LINGO2: variants seen among roughly 807,000 people sequenced by gnomAD.
LINGO2 encodes the protein leucine rich repeat and Ig domain containing 2, also known as leucine-rich repeat and immunoglobulin-like domain-containing nogo receptor-interacting protein 2.
A neutral mutation model predicts 30.6 loss-of-function variants in LINGO2; 14 were observed. The observed-to-expected ratio is 0.46, with a 90% CI of 0.30 to 0.72. LINGO2 has a LOEUF of 0.72. Ranked by LOEUF, LINGO2 falls within the 30% of genes least tolerant of loss-of-function variation. LINGO2 has a pLI of 0.07. For synonymous variants in LINGO2, 317 were observed against 288.5 expected (o/e 1.10, Z -1.00); for missense variants, 729 against 751.7 (o/e 0.97, Z 0.35).
the LINGO2 span, among the ~76,000 whole-genome samples, chr9:28,706,427 A>G: frequency 6.6e-6 from 1 of 152,178 alleles, no homozygotes; most frequent in Non-Finnish European, 1.5e-5. Context: ...GGAATAGAAT[A>G]TTTTAAAAAA....
At chr9:28,202,562 C>A (rs1175778716) in intron 4 of LINGO2, among the ~76,000 whole-genome samples, 2 of 151,922 alleles carry the variant, frequency 1.3e-5, no homozygotes. Flanking sequence ...CTCACCCCGT[C>A]CCCCCCGCCA....
chr9:28,427,843 A>G (rs556968390), intron 2 of LINGO2, among the ~76,000 whole-genome samples: 1 of 152,222 alleles, frequency 6.6e-6, no homozygotes, highest in South Asian at 2.1e-4. Context: ...GATGTAGGGG[A>G]AAGCTCCTAA....
At chr9:28,466,084 C>T (rs1208268611) in intron 2 of LINGO2, among the ~76,000 whole-genome samples, 1 of 151,942 alleles carries the variant, frequency 6.6e-6, no homozygotes, top group African/African-American at 2.4e-5. Flanking sequence ...AACAGAGCTA[C>T]CATATAATCC....
At chr9:28,343,495 T>C (rs941610014) in intron 3 of LINGO2, among the ~76,000 whole-genome samples, 1 of 152,182 alleles carries the variant, frequency 6.6e-6, no homozygotes, top group Non-Finnish European at 1.5e-5. Flanking sequence ...ACAAAGATTG[T>C]TCTGTATACA....
At chr9:27,967,478 G>A (rs917692111) in intron 5 of LINGO2, among the ~76,000 whole-genome samples, 6 of 152,120 alleles carry the variant, frequency 3.9e-5, no homozygotes, top group Non-Finnish European at 7.4e-5. Flanking sequence ...GTTTAGCTAC[G>A]TGGCTATGAA....
the LINGO2 span, among the ~76,000 whole-genome samples, chr9:29,174,334 T>A: frequency 6.6e-6 from 1 of 152,234 alleles, no homozygotes; most frequent in African/African-American, 2.4e-5. Context: ...CCAGCTGGCA[T>A]CCTTCATGTG....
At chr9:28,138,109 C>T (rs561532157) in intron 4 of LINGO2, among the ~76,000 whole-genome samples, 1 of 152,188 alleles carries the variant, frequency 6.6e-6, no homozygotes, top group Non-Finnish European at 1.5e-5. Context: ...TAAATTTGCT[C>T]AAGATCACCT....
the LINGO2 span, among the ~76,000 whole-genome samples, chr9:28,784,315 T>C: frequency 5.9e-5 from 9 of 152,284 alleles, no homozygotes; most frequent in South Asian, 1.9e-3. Flanking sequence ...GCATTTTTAA[T>C]TGAGAAGCAA....
the LINGO2 span, among the ~76,000 whole-genome samples, chr9:29,022,148 C>A: frequency 2.0e-5 from 3 of 152,030 alleles, no homozygotes; most frequent in African/African-American, 4.8e-5. Flanking sequence ...GTTTCTGAAA[C>A]CCTATCGATT....
At chr9:28,371,077 A>T (rs1820877019) in intron 3 of LINGO2, among the ~76,000 whole-genome samples, 1 of 152,120 alleles carries the variant, frequency 6.6e-6, no homozygotes, top group South Asian at 2.1e-4. Context: ...GGCAGGTTCA[A>T]ATTTGGGCCC....
chr9:28,145,454 C>T (rs1336100580), intron 4 of LINGO2, among the ~76,000 whole-genome samples: 1 of 152,056 alleles, frequency 6.6e-6, no homozygotes, highest in Non-Finnish European at 1.5e-5. Flanking sequence ...AAATTGTTTC[C>T]TCAAGACTAC....
chr9:28,924,013 C>A, the LINGO2 span, among the ~76,000 whole-genome samples: 1 of 152,162 alleles, frequency 6.6e-6, no homozygotes, highest in Non-Finnish European at 1.5e-5. Context: ...AAGCACATAA[C>A]AGCTAGATTT....
intron 1 of LINGO2, among the ~76,000 whole-genome samples, chr9:28,659,003 G>C (rs1434267491): frequency 6.6e-6 from 1 of 152,082 alleles, no homozygotes; most frequent in East Asian, 1.9e-4. Context: ...GCTGGCAAAA[G>C]AGGGTGAAAG....
chr9:28,244,070 T>C (rs562822333), intron 4 of LINGO2, among the ~76,000 whole-genome samples: 15 of 149,196 alleles, frequency 1.0e-4, no homozygotes, highest in Non-Finnish European at 1.9e-4. Flanking sequence ...GACCACATAA[T>C]TGGAAGTAAA....
At chr9:28,228,020 A>G (rs1203334513) in intron 4 of LINGO2, among the ~76,000 whole-genome samples, 1 of 152,098 alleles carries the variant, frequency 6.6e-6, no homozygotes, top group Non-Finnish European at 1.5e-5. Flanking sequence ...TAAATAGATC[A>G]TCAGATCGAT....
At chr9:28,498,007 G>T (rs142877070) in intron 1 of LINGO2, among the ~76,000 whole-genome samples, 1 of 152,100 alleles carries the variant, frequency 6.6e-6, no homozygotes, top group Non-Finnish European at 1.5e-5. Flanking sequence ...CTGCCTGATC[G>T]TTCCTCTGGA....
intron 1 of LINGO2, among the ~76,000 whole-genome samples, chr9:28,547,142 C>T (rs1821991779): frequency 6.6e-6 from 1 of 152,040 alleles, no homozygotes; most frequent in African/African-American, 2.4e-5. Flanking sequence ...TGCTTTTTGC[C>T]AGCATCTGAA....
intron 4 of LINGO2, among the ~76,000 whole-genome samples, chr9:28,164,315 T>C (rs989371280): frequency 2.0e-5 from 3 of 152,210 alleles, no homozygotes; most frequent in African/African-American, 7.2e-5. Flanking sequence ...AAATATAAGA[T>C]GATTATAACA....
chr9:29,186,911 G>A, the LINGO2 span, among the ~76,000 whole-genome samples: 1 of 152,112 alleles, frequency 6.6e-6, no homozygotes, highest in African/African-American at 2.4e-5. Context: ...GCAAATTGTT[G>A]TGTATGACAA....
Sources: allele counts gnomAD v4.1 joint callset (sites outside exome capture counted in the v4.1 genomes callset), GRCh38; gene constraint gnomAD v4.1.1; transcripts MANE v1.5; gene names NCBI Gene and HGNC (gene_info 2026-07-23, HGNC 2026-07-21).